The following PLXND1 variants were observed in gnomAD, a reference collection of about 807,000 sequenced individuals.
PLXND1 encodes plexin D1, also known as plexin-D1.
Under a neutral mutation model 197.7 loss-of-function variants are expected in PLXND1, and 54 were observed. The observed-to-expected ratio is 0.27, with a 90% confidence interval of 0.22 to 0.34. The LOEUF (loss-of-function observed/expected upper bound fraction) is 0.34, where lower values mean the gene tolerates loss of function less well. Ranked by LOEUF, PLXND1 falls within the 10% of genes least tolerant of loss-of-function variation. PLXND1 has a pLI of 1.00. For missense variants in PLXND1, 2,127 were observed against 2,699.2 expected (o/e 0.79, Z 4.70); for synonymous variants, 1,180 against 1,161.2 (o/e 1.02, Z -0.33).
intron 2 of PLXND1, 44 bp downstream of exon 2, chr3:129,589,307 G>GCCGGGCCCCCC: frequency 8.8e-6 from 6 of 684,692 alleles, no homozygotes; most frequent in East Asian, 3.6e-5. Flanking sequence ...TCCCAGGGGA[G>GCCGGGCCCCCC]CCTCCCACCC....
chr3:129,557,084 C>T lies in PLXND1; in HGVS notation c.5585G>A (p.Arg1862Lys). The T allele has an allele frequency of 1.2e-6, 2 of 1,613,890 alleles. No homozygotes were observed. The highest frequency in any genetic ancestry group is 1.7e-6 in the Non-Finnish European group (2 of 1,180,022). ...EMNAHLAEES[R>K]KYQNEFNTNV... ...TCCCCCGCCGCCGAGCCACCGCACC[C>T]TCGACTCCTCGGCCAGATGGGCATT... is the stretch of plus-strand genomic sequence containing the variant. Residue 1862 changes from arginine (R) to lysine (K), a missense_variant and splice_region_variant, in exon 34 of 36, where the codon AGG becomes AAG. Physicochemically the swap from Arg to Lys is conservative, Grantham distance 26. Around this residue, in one of 6 missense-constraint regions of PLXND1, gnomAD observed 200 missense variants for 303.3 expected, o/e 0.66. Transcript: ENST00000324093. This position sits in a 1 kb window ranked among gnomAD's most constrained non-coding sequence, Gnocchi z 4.8.
chr3:129,587,239 G>A (rs1039171024), intron 2 of PLXND1, among the ~76,000 whole-genome samples: 4 of 152,288 alleles, frequency 2.6e-5, no homozygotes, highest in East Asian at 1.9e-4. Context: ...CCATTTCACC[G>A]AAGAGGAATC....
intron 1 of PLXND1, among the ~76,000 whole-genome samples, chr3:129,597,383 C>T (rs1576280598): frequency 6.6e-6 from 1 of 152,342 alleles, no homozygotes; most frequent in Admixed American, 6.5e-5. Flanking sequence ...GCTCAGTCAC[C>T]TCAAACAAAG....
intron 1 of PLXND1, among the ~76,000 whole-genome samples, chr3:129,604,958 T>A (rs1469830614): frequency 6.6e-6 from 1 of 152,148 alleles, no homozygotes; most frequent in Non-Finnish European, 1.5e-5. Flanking sequence ...GAACACAACT[T>A]TGGTCAGGCA....
At chr3:129,560,501 G>T in intron 30 of PLXND1, 67 bp from the exon 31 acceptor site, 1 of 1,127,106 alleles carries the variant, frequency 8.9e-7, no homozygotes, top group Non-Finnish European at 1.3e-6. Context: ...GGGAGGTCTG[G>T]CTCTGCCATG....
Position 129,572,658 on chromosome 3 carries a change from A to C in PLXND1, c.3028T>G (p.Ser1010Ala), listed in dbSNP as rs756720065. ...TIHGNDLHVGSELQVLVNDTD... is the reference protein window; with the variant it reads ...TIHGNDLHVGAELQVLVNDTD... ...TCGTTCACCAGGACCTGGAGCTCGG[A>C]GCCTACATGGAGGTCATTCCCATGG... The change falls in exon 15 of 36, where the codon TCC becomes GCC. Residue 1010 changes from serine to alanine, a missense_variant. This residue lies in a region of PLXND1 where 1,095 missense variants were observed against 1,259.8 expected (regional missense o/e 0.87). Coordinates refer to ENST00000324093, the MANE Select transcript of PLXND1 (RefSeq NM_015103.3). 2 of 1,603,012 alleles carry C rather than the reference A, an allele frequency of 1.2e-6. No individual in the cohort carries two copies. Among genetic ancestry groups the C allele is most frequent in the East Asian group, 4.5e-5 (2 of 44,754 alleles).
In PLXND1 at chr3:129,583,550, C is replaced by A; in HGVS notation, c.2241+17G>T. The A allele has an allele frequency of 1.9e-6, 3 of 1,570,516 alleles. No homozygotes were observed. The highest frequency in any genetic ancestry group is 2.6e-6 in the Non-Finnish European group (3 of 1,143,418). ...AATGAAACAGCAGAGGCGGAGGGGC[C>A]CCCTAGCCTGGCTTACCGTGGGGTT... On this transcript the variant is annotated intron_variant, in intron 8 of 35. Coordinates refer to ENST00000324093, the MANE Select transcript of PLXND1 (RefSeq NM_015103.3).
intron 8 of PLXND1, among the ~76,000 whole-genome samples, chr3:129,582,068 T>C (rs530549566): frequency 6.6e-6 from 1 of 152,358 alleles, no homozygotes; most frequent in South Asian, 2.1e-4. Context: ...ATGGTTTCAC[T>C]GCACCGACTC....
At chr3:129,581,469 T>A (rs1272596186) in intron 8 of PLXND1, among the ~76,000 whole-genome samples, 2 of 150,834 alleles carry the variant, frequency 1.3e-5, no homozygotes, top group Non-Finnish European at 3.0e-5. Context: ...TCAAGAGAAA[T>A]CCTCTCTCTG....
At position 129,565,988 on chromosome 3, in the gene PLXND1, T is replaced by A; in HGVS notation, c.4221A>T (p.Glu1407Asp). The change falls in exon 24 of 36, where the codon GAA (glutamate) becomes GAT (aspartate). Residue 1407 changes from glutamate to aspartate, a missense_variant. Around this residue, in one of 6 missense-constraint regions of PLXND1, gnomAD observed 532 missense variants for 811.0 expected, o/e 0.66. Coordinates refer to ENST00000324093, the MANE Select transcript of PLXND1 (RefSeq NM_015103.3). ...GTGAGGAGAACAAGCTAATTCCCTC[T>A]TCCATGTTGGGCCGGCAGCTCTCAG... The part of the protein sequence containing the change: ...KIPESCRPNM[E>D]EGISLFSSLL... The A allele has an allele frequency of 6.2e-7, 1 of 1,614,142 alleles. No homozygotes were observed. The highest frequency in any genetic ancestry group is 8.5e-7 in the Non-Finnish European group (1 of 1,179,982).
rs1362912624 is a variant in PLXND1, at chr3:129,577,418, CCCTGGCTGAT to C, written c.2346+901_2346+910del. Among the ~76,000 whole-genome samples the C allele has an allele frequency of 6.6e-6, 1 of 151,972 alleles. No individual in the cohort carries two copies. Among genetic ancestry groups the C allele is most frequent in the African/African-American group, 2.4e-5 (1 of 41,368 alleles). ...AGCCATCCTGCCCACCCACCCAGCC[CCCTGGCTGAT>C]CCTGGAGGCGCTTGCCCCAACTCCT... On this transcript the variant is annotated intron_variant, in intron 9 of 35. Transcript: ENST00000324093. The surrounding 1 kb of genome is among the most constrained non-coding windows in gnomAD (Gnocchi z 5.0).
intron 1 of PLXND1, among the ~76,000 whole-genome samples, chr3:129,601,232 A>G (rs917276662): frequency 6.6e-6 from 1 of 152,186 alleles, no homozygotes; most frequent in African/African-American, 2.4e-5. Context: ...ATACGTTGAA[A>G]ACAATCAGGG....
rs1024818048 is a variant in PLXND1 at position 129,577,636 on chromosome 3, G to C, written c.2346+693C>G. 6.6e-6 allele frequency among the ~76,000 whole-genome samples: 1 copy of C among 152,106 alleles called. No homozygotes were observed. The highest frequency in any genetic ancestry group is 1.9e-4 in the East Asian group (1 of 5,196). On this transcript the variant is annotated intron_variant, in intron 9 of 35. Coordinates refer to ENST00000324093, the MANE Select transcript of PLXND1 (RefSeq NM_015103.3). The surrounding 1 kb of genome is among the most constrained non-coding windows in gnomAD (Gnocchi z 5.0). ...ATGGCGAGTTCCAGGGAGGTGGGGA[G>C]GGGGGTGGCTGGCACGCCTCCAGGA...
chr3:129,604,970 G>C (rs1012228867), intron 1 of PLXND1, among the ~76,000 whole-genome samples: 2 of 152,224 alleles, frequency 1.3e-5, no homozygotes, highest in Non-Finnish European at 2.9e-5. Flanking sequence ...GGTCAGGCAT[G>C]CAGTCACTTA....
At position 129,563,264 on chromosome 3, in the gene PLXND1, G is replaced by A. The variant is rs1178699309; in HGVS notation, c.4522-24C>T. On this transcript the variant is annotated intron_variant, in intron 25 of 35. Transcript: ENST00000324093. Reference sequence around the variant, plus strand: ...TCCTGAGGGGCACGGGGGTATCAGGGCCAAGGCCCCCTCTGTATTCCAGCC... The same window carrying A: ...TCCTGAGGGGCACGGGGGTATCAGGACCAAGGCCCCCTCTGTATTCCAGCC... 3 of 1,587,138 alleles carry A rather than the reference G, an allele frequency of 1.9e-6. No homozygotes were observed. The Admixed American group carries it at 5.4e-5, about 28-fold the overall frequency.
intron 2 of PLXND1, among the ~76,000 whole-genome samples, chr3:129,588,774 CT>C (rs1344881328): frequency 1.3e-4 from 20 of 152,384 alleles, no homozygotes; most frequent in African/African-American, 4.6e-4. Flanking sequence ...CATGTCTGTC[CT>C]GCCCCAGAGC....
chr3:129,579,877 AG>A (rs1259617626), intron 8 of PLXND1, among the ~76,000 whole-genome samples: 4 of 152,306 alleles, frequency 2.6e-5, no homozygotes, highest in African/African-American at 9.6e-5. Flanking sequence ...GATTCCCCTC[AG>A]GGACCCCAGC....
rs754433363 is a variant in PLXND1, at chr3:129,567,836, C to T, written c.3866-31G>A. The T allele has an allele frequency of 4.4e-6, 6 of 1,376,282 alleles. No homozygotes were observed. In the South Asian group the frequency reaches 7.2e-5, roughly 16 times the overall value. 85.3% of individuals were successfully genotyped at this position (1,376,282 alleles called of 1,614,324 possible). ...GGCAGTGGAGAGGCAGGTCAGGCCT[C>T]TGGTGCCCTTTGGAAAGCCTTTATT... On this transcript the variant is annotated intron_variant, in intron 20 of 35. Coordinates refer to ENST00000324093, the MANE Select transcript of PLXND1 (RefSeq NM_015103.3).
intron 32 of PLXND1, 103 bp downstream of exon 32, chr3:129,559,517 G>A (rs1396643458): frequency 1.0e-5 from 9 of 860,944 alleles, no homozygotes; most frequent in Admixed American, 2.5e-5. Context: ...GGCAGAGGAG[G>A]GCTTGACCCC....
Sources: gnomAD v4.1 joint callset for allele counts (sites outside exome capture counted in the v4.1 genomes callset) on GRCh38, gnomAD v4.1.1 for gene constraint, gnomAD v4.1.1 regional missense constraint, Gnocchi (gnomAD v3.1) non-coding constraint, MANE v1.5 for transcripts, NCBI Gene and HGNC (gene_info 2026-07-23, HGNC 2026-07-21) for gene names.